The following MLLT3 variants were observed in gnomAD, a reference collection of about 807,000 sequenced individuals.
MLLT3 encodes the protein protein AF-9.
A neutral mutation model predicts 53.2 loss-of-function variants in MLLT3; 4 were observed. That is an observed-to-expected ratio of 0.08 (90% CI 0.04 to 0.17). The LOEUF is 0.17. Ranked by LOEUF, MLLT3 falls within the 10% of genes least tolerant of loss-of-function variation. MLLT3 has a pLI of 1.00. For missense variants in MLLT3, 569 were observed against 684.0 expected (o/e 0.83, Z 1.87); for synonymous variants, 283 against 230.6 (o/e 1.23, Z -2.06).
At chr9:20,533,906 A>G (rs192312115) in intron 2 of MLLT3, among the ~76,000 whole-genome samples, 1 of 152,354 alleles carries the variant, frequency 6.6e-6, no homozygotes, top group Non-Finnish European at 1.5e-5. Context: ...AATCAGGGAC[A>G]TGTTAGTCAA....
At chr9:20,388,310 C>T (rs892523095) in intron 5 of MLLT3, among the ~76,000 whole-genome samples, 1 of 152,052 alleles carries the variant, frequency 6.6e-6, no homozygotes, top group Non-Finnish European at 1.5e-5. Context: ...ATTCTCTGGC[C>T]GGGTGCGGTG....
Position 20,565,988 on chromosome 9 carries a change from TTATATATTTATTTA to T in MLLT3, c.193+54652_193+54665del, listed in dbSNP as rs1563820695. Among the ~76,000 whole-genome samples the T allele has an allele frequency of 3.0e-3, 205 of 69,432 alleles. 3 individuals carry two copies. Among genetic ancestry groups the T allele is most frequent in the African/African-American group, 0.01 (193 of 18,756 alleles). 45.6% of individuals were successfully genotyped at this position (69,432 alleles called of 152,430 possible). A position where few individuals can be genotyped will look rare whatever the true frequency, so the allele number is the denominator to read the frequency against. On this transcript the variant is annotated intron_variant, in intron 2 of 10. Transcript: ENST00000380338. ...TATATTTATATATATATATATTTAT[TTATATATTTATTTA>T]TATATATATTTTTATATATATTTAT...
chr9:20,372,905 T>C (rs369653416), intron 5 of MLLT3, among the ~76,000 whole-genome samples: 6 of 152,162 alleles, frequency 3.9e-5, no homozygotes, highest in African/African-American at 1.4e-4. Context: ...CTTAATAGAT[T>C]ACCATATAGC....
At position 20,345,572 on chromosome 9, in the gene MLLT3, C is replaced by T. The variant is rs1393661411; in HGVS notation, c.*871G>A. The T allele has an allele frequency of 4.9e-6, 1 of 203,514 alleles. No homozygotes were observed. The highest frequency in any genetic ancestry group is 1.0e-5 in the Non-Finnish European group (1 of 99,556). 12.6% of individuals were successfully genotyped at this position (203,514 alleles called of 1,614,324 possible). A position where few individuals can be genotyped will look rare whatever the true frequency, so the allele number is the denominator to read the frequency against. ...TAATATTGTAACAGTAAAACAGACA[C>T]AAGAATGTTGATGACAGCTCAACAA... On this transcript the variant is annotated 3_prime_UTR_variant, in exon 11 of 11. Transcript: ENST00000380338.
At chr9:20,559,572 T>C (rs1254248098) in intron 2 of MLLT3, among the ~76,000 whole-genome samples, 1 of 152,218 alleles carries the variant, frequency 6.6e-6, no homozygotes, top group African/African-American at 2.4e-5. Context: ...CAATGCCTTT[T>C]GCAGGGGTAG....
In MLLT3 at chr9:20,541,807, T is replaced by A. The variant is rs141959367; in HGVS notation, c.193+78847A>T. 3.9e-3 allele frequency among the ~76,000 whole-genome samples: 596 copies of A among 152,274 alleles called. 4 individuals carry two copies. Among genetic ancestry groups the A allele is most frequent in the Non-Finnish European group, 5.2e-3 (357 of 68,012 alleles). Reference sequence around the variant, plus strand: ...AGTTTTATCATGAGATTGCCGAAATTCAGTCATATCTTCAGGTTCTACTTC... The same window carrying A: ...AGTTTTATCATGAGATTGCCGAAATACAGTCATATCTTCAGGTTCTACTTC... On this transcript the variant is annotated intron_variant, in intron 2 of 10. Transcript: ENST00000380338.
chr9:20,520,984 G>C (rs1188738415), intron 2 of MLLT3, among the ~76,000 whole-genome samples: 1 of 152,184 alleles, frequency 6.6e-6, no homozygotes, highest in South Asian at 2.1e-4. Flanking sequence ...TAGACAGGCT[G>C]AGGATGTGGA....
At chr9:20,582,631 G>T (rs1011313288) in intron 2 of MLLT3, among the ~76,000 whole-genome samples, 2 of 152,118 alleles carry the variant, frequency 1.3e-5, no homozygotes, top group Non-Finnish European at 2.9e-5. Context: ...AGTTCCATAT[G>T]GCTGCGGAGG....
At chr9:20,510,613 G>GAAAAAAAAAAAAAAAAAAAAAAAAA (rs36032614) in intron 2 of MLLT3, among the ~76,000 whole-genome samples, 2 of 105,944 alleles carry the variant, frequency 1.9e-5, no homozygotes, top group African/African-American at 7.2e-5. Context: ...CTCCATCTCA[G>GAAAAAAAAAAAAAAAAAAAAAAAAA]AAAAAAAAAA....
chr9:20,551,284 C>T (rs1818919853), intron 2 of MLLT3, among the ~76,000 whole-genome samples: 1 of 152,146 alleles, frequency 6.6e-6, no homozygotes, highest in Non-Finnish European at 1.5e-5. Context: ...TATTTGATAA[C>T]TCACTGAGCT....
At chr9:20,407,702 G>C (rs892496288) in intron 5 of MLLT3, among the ~76,000 whole-genome samples, 8 of 152,142 alleles carry the variant, frequency 5.3e-5, no homozygotes, top group Admixed American at 1.3e-4. Context: ...CACTTCTAAA[G>C]ATGGCAACCT....
At chr9:20,434,871 A>C (rs540432976) in intron 4 of MLLT3, among the ~76,000 whole-genome samples, 41 of 152,352 alleles carry the variant, frequency 2.7e-4, no homozygotes, top group Non-Finnish European at 5.7e-4. Context: ...CTTGTAATAT[A>C]AATTCAAAGG....
intron 2 of MLLT3, among the ~76,000 whole-genome samples, chr9:20,528,261 T>C (rs921130352): frequency 6.6e-6 from 1 of 152,254 alleles, no homozygotes; most frequent in African/African-American, 2.4e-5. Context: ...TTCACACAAA[T>C]ACATAAAGCC....
chr9:20,375,598 TTTTTTTCTTTTC>T (rs1359162918), intron 5 of MLLT3, among the ~76,000 whole-genome samples: 7,217 of 126,798 alleles, frequency 0.057, 492 homozygotes, highest in African/African-American at 0.23. Flanking sequence ...GTAATTTTTT[TTTTTTTCTTTTC>T]TTTTTTTTTT....
At chr9:20,616,333 A>C (rs1196631820) in intron 2 of MLLT3, among the ~76,000 whole-genome samples, 1 of 152,158 alleles carries the variant, frequency 6.6e-6, no homozygotes, top group Non-Finnish European at 1.5e-5. Flanking sequence ...ATATCTACCC[A>C]AGATATTAAA....
rs1194870310 is a variant in MLLT3, at chr9:20,622,403, C to T, written c.-147G>A. 3 of 727,828 alleles carry T rather than the reference C, an allele frequency of 4.1e-6. No homozygotes were observed. Among genetic ancestry groups the T allele is most frequent in the South Asian group, 2.1e-5 (1 of 47,082 alleles). The allele number at this position is 727,828 out of a possible 1,614,324, so 45.1% of individuals were successfully genotyped here. A position where few individuals can be genotyped will look rare whatever the true frequency, so the allele number is the denominator to read the frequency against. On this transcript the variant is annotated 5_prime_UTR_variant, in exon 1 of 11. Coordinates refer to ENST00000380338, the MANE Select transcript of MLLT3 (RefSeq NM_004529.4). ...ATGGCGGACATTCTCTGCCTTTTTC[C>T]CCCCGCGCTCGCTTGCTCGCTCGCT...
At chr9:20,400,969 T>C (rs1365934422) in intron 5 of MLLT3, among the ~76,000 whole-genome samples, 1 of 152,080 alleles carries the variant, frequency 6.6e-6, no homozygotes, top group Non-Finnish European at 1.5e-5. Context: ...AGACAGGAGA[T>C]AGGAAGAACA....
At chr9:20,519,658 C>T (rs568939150) in intron 2 of MLLT3, among the ~76,000 whole-genome samples, 4 of 152,226 alleles carry the variant, frequency 2.6e-5, no homozygotes, top group South Asian at 4.2e-4. Flanking sequence ...AACCATCTCA[C>T]GTCAGTCAGA....
chr9:20,351,081 GC>G, intron 10 of MLLT3, among the ~76,000 whole-genome samples: 1 of 152,180 alleles, frequency 6.6e-6, no homozygotes, highest in Non-Finnish European at 1.5e-5. Flanking sequence ...TAAGGGATAG[GC>G]CATCAGGCTC....
Sources: gnomAD v4.1 joint callset for allele counts (sites outside exome capture counted in the v4.1 genomes callset) on GRCh38, gnomAD v4.1.1 for gene constraint, MANE v1.5 for transcripts, NCBI Gene and HGNC (gene_info 2026-07-23, HGNC 2026-07-21) for gene names.